The following EYS variants were observed in gnomAD, a reference collection of about 807,000 sequenced individuals.
EYS encodes protein eyes shut homolog.
EYS carries 250 observed loss-of-function variants against 282.1 expected under a neutral mutation model. The ratio of observed to expected loss-of-function variants is 0.89; its 90% CI spans 0.80 to 0.98. The LOEUF (loss-of-function observed/expected upper bound fraction) is 0.98. Among genes scored for constraint, EYS ranks in the 50% least tolerant of loss-of-function variants. The pLI is 0.00. For missense variants in EYS, 4,016 were observed against 3,709.0 expected (o/e 1.08, Z -2.15); for synonymous variants, 1,355 against 1,282.9 (o/e 1.06, Z -1.20).
chr6:64,349,411 A>G (rs1266459185), intron 29 of EYS, among the ~76,000 whole-genome samples: 1 of 149,432 alleles, frequency 6.7e-6, no homozygotes, highest in African/African-American at 2.4e-5. Flanking sequence ...ATTTATTGAA[A>G]GTAGCACCTT....
intron 29 of EYS, among the ~76,000 whole-genome samples, chr6:64,341,737 C>A (rs1771121565): frequency 1.3e-5 from 2 of 151,658 alleles, no homozygotes; most frequent in South Asian, 2.1e-4. Context: ...ATCCTACTTC[C>A]TTCCTTTCCT....
intron 39 of EYS, chr6:63,779,259 C>A (rs1219550424): frequency 6.6e-6 from 1 of 151,654 alleles, no homozygotes; most frequent in Non-Finnish European, 1.5e-5. Flanking sequence ...GAGATTGAGA[C>A]CATCCTGGCT....
At chr6:64,705,906 A>C (rs1770993444) in intron 22 of EYS, among the ~76,000 whole-genome samples, 1 of 150,826 alleles carries the variant, frequency 6.6e-6, no homozygotes, top group African/African-American at 2.4e-5. Context: ...TAGAGGGTGC[A>C]GCGCACCAGC....
chr6:64,780,900 T>C (rs900620452), intron 22 of EYS, among the ~76,000 whole-genome samples: 6 of 152,228 alleles, frequency 3.9e-5, no homozygotes, highest in African/African-American at 1.4e-4. Context: ...GGAATGAATG[T>C]GTATATATGC....
At chr6:65,692,619 AT>A (rs1423482238) in intron 1 of EYS, among the ~76,000 whole-genome samples, 1 of 150,108 alleles carries the variant, frequency 6.7e-6, no homozygotes, top group Non-Finnish European at 1.5e-5. Flanking sequence ...TAATTTTCCA[AT>A]TAATCATTTA....
intron 11 of EYS, among the ~76,000 whole-genome samples, chr6:65,308,065 C>G (rs1460248288): frequency 7.8e-6 from 1 of 128,764 alleles, no homozygotes; most frequent in Non-Finnish European, 1.6e-5. Context: ...CTCCACCTCC[C>G]GGGTTCAAGC....
intron 12 of EYS, among the ~76,000 whole-genome samples, chr6:65,080,076 G>A (rs1774185561): frequency 6.6e-6 from 1 of 152,034 alleles, no homozygotes; most frequent in Non-Finnish European, 1.5e-5. Flanking sequence ...AAATTTTCAG[G>A]TGGAGAACTC....
At chr6:64,752,289 C>T (rs987105225) in intron 22 of EYS, among the ~76,000 whole-genome samples, 16 of 151,910 alleles carry the variant, frequency 1.1e-4, no homozygotes, top group African/African-American at 3.9e-4. Context: ...TAAAAATCCA[C>T]TGAAAAGACA....
At chr6:63,861,241 C>T (rs1772523692) in intron 36 of EYS, among the ~76,000 whole-genome samples, 1 of 152,190 alleles carries the variant, frequency 6.6e-6, no homozygotes, top group African/African-American at 2.4e-5. Context: ...ATAGTTCAGA[C>T]AAAGAAAACC....
chr6:65,278,160 C>T (rs1044298291), intron 12 of EYS, among the ~76,000 whole-genome samples: 1 of 145,692 alleles, frequency 6.9e-6, no homozygotes, highest in Non-Finnish European at 1.5e-5. Flanking sequence ...GGATCTCAGG[C>T]CTTTGGACTG....
intron 22 of EYS, among the ~76,000 whole-genome samples, chr6:64,672,895 T>C (rs1769515974): frequency 6.6e-6 from 1 of 152,160 alleles, no homozygotes; most frequent in African/African-American, 2.4e-5. Flanking sequence ...CACAGGGAAA[T>C]GAAATATTGC....
At chr6:64,631,822 T>C (rs760537168) in intron 22 of EYS, 2 of 152,072 alleles carry the variant, frequency 1.3e-5, no homozygotes, top group Non-Finnish European at 2.9e-5. Flanking sequence ...TCCCCCACAA[T>C]CTATTCTATT....
intron 19 of EYS, among the ~76,000 whole-genome samples, chr6:64,852,426 G>T (rs949892610): frequency 6.6e-6 from 1 of 152,056 alleles, no homozygotes. Context: ...CAGACTCCAG[G>T]TTCTTCAGCT....
chr6:64,511,287 A>C (rs530724337), intron 26 of EYS, among the ~76,000 whole-genome samples: 10 of 148,760 alleles, frequency 6.7e-5, no homozygotes, highest in Admixed American at 4.1e-4. Context: ...TATGATATAT[A>C]TGTTTATATT....
chr6:65,587,251 A>G (rs901596364), intron 2 of EYS, among the ~76,000 whole-genome samples: 3 of 152,078 alleles, frequency 2.0e-5, no homozygotes, highest in East Asian at 1.9e-4. Flanking sequence ...AGCCGAAGAG[A>G]ACTAACAAAG....
intron 1 of EYS, among the ~76,000 whole-genome samples, chr6:65,659,829 T>C (rs1208581935): frequency 6.6e-6 from 1 of 151,744 alleles, no homozygotes; most frequent in African/African-American, 2.4e-5. Flanking sequence ...AGAGTATATT[T>C]TCTTTCATTT....
chr6:65,167,057 G>T (rs1480999303), intron 12 of EYS, among the ~76,000 whole-genome samples: 1 of 151,214 alleles, frequency 6.6e-6, no homozygotes, highest in East Asian at 2.0e-4. Context: ...TTGGTAAAAT[G>T]TGGAGAAATG....
chr6:64,397,682 T>G (rs1773421890), intron 28 of EYS, among the ~76,000 whole-genome samples: 1 of 152,070 alleles, frequency 6.6e-6, no homozygotes, highest in Admixed American at 6.6e-5. Context: ...TGTAAATCAA[T>G]GTTGGTAGAA....
intron 19 of EYS, among the ~76,000 whole-genome samples, chr6:64,872,492 C>T (rs1255256130): frequency 6.6e-6 from 1 of 151,956 alleles, no homozygotes; most frequent in Non-Finnish European, 1.5e-5. Flanking sequence ...GACATAGGAT[C>T]CAGCCCAAAG....
Sources: allele counts gnomAD v4.1 joint callset (sites outside exome capture counted in the v4.1 genomes callset), GRCh38; gene constraint gnomAD v4.1.1; transcripts MANE v1.5; gene names NCBI Gene and HGNC (gene_info 2026-07-23, HGNC 2026-07-21).